The following C8orf34 variants were observed in gnomAD, a reference collection of about 807,000 sequenced individuals.
C8orf34 encodes the protein chromosome 8 open reading frame 34.
Under a neutral mutation model 68.3 loss-of-function variants are expected in C8orf34, and 65 were observed. The ratio of observed to expected loss-of-function variants is 0.95; its 90% CI spans 0.78 to 1.17. The LOEUF (loss-of-function observed/expected upper bound fraction) is 1.17, where lower values mean the gene tolerates loss of function less well. C8orf34 is among the 50% of genes most tolerant of loss of function. The pLI is 0.00. For synonymous variants in C8orf34, 244 were observed against 241.2 expected, an observed-to-expected ratio of 1.01 and a Z score of -0.11; for missense variants, 664 against 655.4, an observed-to-expected ratio of 1.01 and a Z score of -0.14.
intron 10 of C8orf34, among the ~76,000 whole-genome samples, chr8:68,774,694 G>C (rs1158350232): frequency 6.6e-6 from 1 of 151,764 alleles, no homozygotes; most frequent in African/African-American, 2.4e-5. Flanking sequence ...GTTTTGACAT[G>C]AGCATGCCTC....
intron 1 of C8orf34, among the ~76,000 whole-genome samples, chr8:68,334,074 G>T (rs952477016): frequency 3.9e-5 from 6 of 152,170 alleles, no homozygotes; most frequent in African/African-American, 1.4e-4. Flanking sequence ...TACCTGTAGG[G>T]CTTATTTACC....
At chr8:68,720,477 C>T (rs1173174457) in intron 9 of C8orf34, among the ~76,000 whole-genome samples, 1 of 151,780 alleles carries the variant, frequency 6.6e-6, no homozygotes, top group Non-Finnish European at 1.5e-5. Context: ...AAATCTGTCT[C>T]CATATGTACA....
chr8:68,532,233 T>C (rs546879931), intron 6 of C8orf34, among the ~76,000 whole-genome samples: 1 of 152,290 alleles, frequency 6.6e-6, no homozygotes, highest in South Asian at 2.1e-4. Context: ...TCACGAGCTT[T>C]AGAAATGCTA....
At chr8:68,771,842 C>T (rs958176244) in intron 10 of C8orf34, among the ~76,000 whole-genome samples, 10 of 152,154 alleles carry the variant, frequency 6.6e-5, no homozygotes, top group Non-Finnish European at 1.3e-4. Flanking sequence ...CTTGATCTTA[C>T]GTGTGGCAAA....
chr8:68,372,012 G>A (rs752538696), intron 1 of C8orf34, among the ~76,000 whole-genome samples: 21 of 152,082 alleles, frequency 1.4e-4, no homozygotes, highest in Non-Finnish European at 2.9e-4. Context: ...TCAAACACAG[G>A]CTATAATATT....
intron 10 of C8orf34, among the ~76,000 whole-genome samples, chr8:68,744,252 AC>A (rs1187866012): frequency 3.3e-5 from 5 of 151,142 alleles, no homozygotes; most frequent in Admixed American, 6.6e-5. Flanking sequence ...ATCATCAAAG[AC>A]CAAAAGTAGA....
At chr8:68,448,184 CAG>C (rs780399094) in intron 3 of C8orf34, among the ~76,000 whole-genome samples, 24 of 152,086 alleles carry the variant, frequency 1.6e-4, no homozygotes, top group Non-Finnish European at 2.5e-4. Context: ...ACTCATTGTG[CAG>C]GTCCTGTGTT....
intron 4 of C8orf34, among the ~76,000 whole-genome samples, chr8:68,476,383 C>T (rs560041884): frequency 6.6e-6 from 1 of 152,198 alleles, no homozygotes; most frequent in East Asian, 1.9e-4. Flanking sequence ...GGTCAAGGTA[C>T]AGTAGGAGGA....
At chr8:68,450,400 A>C (rs956350970) in intron 3 of C8orf34, among the ~76,000 whole-genome samples, 7 of 152,140 alleles carry the variant, frequency 4.6e-5, no homozygotes, top group South Asian at 2.1e-4. Context: ...AATGGCATCT[A>C]GAATGGTAAA....
At chr8:68,602,000 C>G (rs886543881) in intron 7 of C8orf34, among the ~76,000 whole-genome samples, 10 of 152,260 alleles carry the variant, frequency 6.6e-5, no homozygotes, top group African/African-American at 2.2e-4. Context: ...AGCTCCCTCC[C>G]CCACCATCAG....
At chr8:68,448,145 A>T (rs962567584) in intron 3 of C8orf34, 2 of 152,248 alleles carry the variant, frequency 1.3e-5, no homozygotes, top group South Asian at 4.1e-4. Flanking sequence ...TGACCACTTC[A>T]TCATTACAGG....
chr8:68,446,708 A>C, intron 3 of C8orf34: 1 of 468,722 alleles, frequency 2.1e-6, no homozygotes, highest in East Asian at 3.3e-5. Context: ...TGAAGAATAT[A>C]AACTGCATGG....
chr8:68,797,624 AT>A (rs1824216495), intron 12 of C8orf34, among the ~76,000 whole-genome samples: 1 of 152,164 alleles, frequency 6.6e-6, no homozygotes, highest in South Asian at 2.1e-4. Context: ...TATTTGAGCA[AT>A]ATTTGAGATA....
rs1808225460 is a variant in C8orf34 at position 68,385,534 on chromosome 8, G to A, written c.328-53965G>A. Among the ~76,000 whole-genome samples the A allele has an allele frequency of 2.0e-5, 3 of 152,168 alleles. 1 individual carries two copies. The South Asian group carries it at 6.2e-4, about 32-fold the overall frequency. ...ATAAAAAACAGTGAGTGAGATATAT[G>A]CTCCATTGAATCCAGTGTGAGTTTA... On this transcript the variant is annotated intron_variant, in intron 1 of 13. Transcript: ENST00000518698.
chr8:68,419,393 G>C (rs1263452219), intron 1 of C8orf34, among the ~76,000 whole-genome samples: 1 of 149,294 alleles, frequency 6.7e-6, no homozygotes, highest in Admixed American at 6.6e-5. Flanking sequence ...CTCTAAACTA[G>C]TTCAACCATT....
rs2129625878 is a variant in C8orf34 at position 68,440,207 on chromosome 8, CTCATA to C, written c.475+562_475+566del. Among the ~76,000 whole-genome samples, 2 of 152,314 alleles carry C rather than the reference CTCATA, an allele frequency of 1.3e-5. 1 individual carries two copies. Among genetic ancestry groups the C allele is most frequent in the South Asian group, 4.1e-4 (2 of 4,832 alleles). On this transcript the variant is annotated intron_variant, in intron 2 of 13. Transcript: ENST00000518698. ...TGAGTAGACTTGAACTCAATCTTTG[CTCATA>C]AAATGTGTTTACACATTGGTCTGTT...
chr8:68,514,778 T>C (rs930193579), intron 5 of C8orf34, among the ~76,000 whole-genome samples: 2 of 152,194 alleles, frequency 1.3e-5, no homozygotes, highest in African/African-American at 4.8e-5. Context: ...TTTTCTATAA[T>C]TGGTCTTATT....
chr8:68,334,995 T>C (rs887063194), intron 1 of C8orf34, among the ~76,000 whole-genome samples: 9 of 152,182 alleles, frequency 5.9e-5, no homozygotes, highest in Non-Finnish European at 1.0e-4. Flanking sequence ...TTCACTTTAT[T>C]GACCTCCCTG....
At chr8:68,724,019 T>C (rs1470628405) in intron 10 of C8orf34, among the ~76,000 whole-genome samples, 1 of 152,160 alleles carries the variant, frequency 6.6e-6, no homozygotes, top group Non-Finnish European at 1.5e-5. Flanking sequence ...ATTTAAATCT[T>C]TTTGGAATTA....
Sources: allele counts gnomAD v4.1 joint callset (sites outside exome capture counted in the v4.1 genomes callset), GRCh38; gene constraint gnomAD v4.1.1; transcripts MANE v1.5; gene names NCBI Gene and HGNC (gene_info 2026-07-23, HGNC 2026-07-21).